The following TRPC7 variants were observed in gnomAD, a reference collection of about 807,000 sequenced individuals.
The protein encoded by TRPC7 is short transient receptor potential channel 7.
Under a neutral mutation model 90.1 loss-of-function variants are expected in TRPC7, and 42 were observed. The observed-to-expected ratio is 0.47, with a 90% CI of 0.36 to 0.60. TRPC7 has a LOEUF of 0.60. TRPC7 is among the 20% of genes least tolerant of loss of function. The probability of loss-of-function intolerance (pLI) is 0.00; values close to 1 mark genes in which losing one functional copy is unlikely to be tolerated. For missense variants in TRPC7, 955 were observed against 1,112.3 expected, an observed-to-expected ratio of 0.86 and a Z score of 2.01; for synonymous variants, 451 against 436.3, an observed-to-expected ratio of 1.03 and a Z score of -0.42.
chr5:136,352,893 A>G (rs1175208248), intron 2 of TRPC7, among the ~76,000 whole-genome samples: 1 of 152,232 alleles, frequency 6.6e-6, no homozygotes, highest in East Asian at 1.9e-4. Flanking sequence ...GTTTCACTAT[A>G]TCCATCAAAC....
intron 3 of TRPC7, among the ~76,000 whole-genome samples, chr5:136,301,658 G>A (rs187873447): frequency 1.3e-3 from 192 of 152,076 alleles, no homozygotes; most frequent in Non-Finnish European, 1.5e-3. Flanking sequence ...ACCCCTGCCC[G>A]CAAAACATTG....
At chr5:136,322,826 GT>G (rs1343372222) in intron 2 of TRPC7, among the ~76,000 whole-genome samples, 16 of 152,236 alleles carry the variant, frequency 1.1e-4, no homozygotes, top group Admixed American at 7.9e-4. Context: ...TTAAAACATT[GT>G]TTTTAAGTTG....
chr5:136,297,113 C>G (rs1266598269), intron 3 of TRPC7, among the ~76,000 whole-genome samples: 3 of 152,206 alleles, frequency 2.0e-5, no homozygotes, highest in Non-Finnish European at 4.4e-5. Context: ...TCTGATCCCC[C>G]TTTCATGGCC....
Position 136,356,965 on chromosome 5 carries a change from C to G in TRPC7, c.423G>C (p.Pro141=). 6.2e-7 allele frequency: 1 copy of G among 1,612,276 alleles called. No individual in the cohort carries two copies. Among genetic ancestry groups the G allele is most frequent in the Non-Finnish European group, 8.5e-7 (1 of 1,179,518 alleles). Residue 141 remains proline, a synonymous_variant, in exon 2 of 12, where the codon CCG becomes CCC. Transcript: ENST00000513104. ...CGTCGTCGCGCAGCTCCTGTTCCAG[C>G]GGGCTGAGCGTCAGGCGCTGGCCCT... ...FAQGQRLTLS[P]LEQELRDDDF... is the part of the protein sequence containing the mutation.
chr5:136,231,429 A>T lies in TRPC7; in HGVS notation c.1965T>A (p.Val655=). The T allele has an allele frequency of 1.2e-6, 2 of 1,613,034 alleles. No homozygotes were observed. The highest frequency in any genetic ancestry group is 1.7e-6 in the Non-Finnish European group (2 of 1,179,350). Reference sequence around the variant, plus strand: ...ACACTACCACCATGGTGACGTTATAAACGCCGTAGAGAACGTAGCCAATGT... The same window carrying T: ...ACACTACCACCATGGTGACGTTATATACGCCGTAGAGAACGTAGCCAATGT... The part of the protein sequence containing the change: ...IENIGYVLYG[V]YNVTMVVVLL... Residue 655 remains valine (V), a synonymous_variant, in exon 8 of 12, where the codon GTT becomes GTA. Coordinates refer to ENST00000513104, the MANE Select transcript of TRPC7 (RefSeq NM_020389.3).
intron 2 of TRPC7, among the ~76,000 whole-genome samples, chr5:136,350,000 A>G (rs1561729487): frequency 6.6e-6 from 1 of 152,218 alleles, no homozygotes; most frequent in Admixed American, 6.5e-5. Flanking sequence ...AGTGTTCAGT[A>G]TAGTAACATG....
intron 3 of TRPC7, among the ~76,000 whole-genome samples, chr5:136,290,570 G>A (rs943825952): frequency 2.0e-5 from 3 of 152,160 alleles, no homozygotes; most frequent in Non-Finnish European, 2.9e-5. Context: ...ATGAAATGAA[G>A]CATGAAGAGA....
chr5:136,277,237 GA>G (rs1383921840), intron 3 of TRPC7, among the ~76,000 whole-genome samples: 1 of 152,222 alleles, frequency 6.6e-6, no homozygotes, highest in Admixed American at 6.5e-5. Flanking sequence ...TGCCTCAGAG[GA>G]AGACAGTGGT....
chr5:136,337,718 T>C (rs1404015528), intron 2 of TRPC7, among the ~76,000 whole-genome samples: 1 of 151,402 alleles, frequency 6.6e-6, no homozygotes, highest in African/African-American at 2.4e-5. Flanking sequence ...ATTTCCAATG[T>C]GCTATGAGAA....
chr5:136,339,932 C>G (rs1187235964), intron 2 of TRPC7, among the ~76,000 whole-genome samples: 1 of 151,398 alleles, frequency 6.6e-6, no homozygotes, highest in African/African-American at 2.4e-5. Flanking sequence ...AAAAATAAAG[C>G]CATAGAAATA....
chr5:136,229,832 T>C (rs1364443951), intron 8 of TRPC7, among the ~76,000 whole-genome samples: 1 of 152,190 alleles, frequency 6.6e-6, no homozygotes, highest in Non-Finnish European at 1.5e-5. Flanking sequence ...CACCAGGAAA[T>C]GTGAAAGTCC....
At chr5:136,304,920 G>C (rs561286518) in intron 3 of TRPC7, among the ~76,000 whole-genome samples, 2 of 152,192 alleles carry the variant, frequency 1.3e-5, no homozygotes, top group Non-Finnish European at 2.9e-5. Context: ...CAAACAACTT[G>C]ACCTTACTGT....
chr5:136,293,997 A>G lies in TRPC7; in HGVS notation c.964-19160T>C, dbSNP rs538417326. ...TCAGAAATAATGCTGCATATCTACA[A>G]CTATCTGATCTTTGACAAACCTGAG... On this transcript the variant is annotated intron_variant, in intron 3 of 11. Transcript: ENST00000513104. Among the ~76,000 whole-genome samples, 3 of 152,282 alleles carry G rather than the reference A, an allele frequency of 2.0e-5. No individual in the cohort carries two copies. In the East Asian group the frequency reaches 5.8e-4, roughly 29 times the overall value.
At chr5:136,289,413 A>T (rs1412295476) in intron 3 of TRPC7, among the ~76,000 whole-genome samples, 2 of 152,198 alleles carry the variant, frequency 1.3e-5, no homozygotes, top group African/African-American at 4.8e-5. Flanking sequence ...GGGGTGACAG[A>T]TGGCACCTGG....
In TRPC7 at chr5:136,315,741, A is replaced by G; in HGVS notation, c.819T>C (p.Phe273=). The part of the protein sequence containing the change: ...YRKLSMQCKD[F]VVGVLDLCRD... Reference sequence around the variant, plus strand: ...GGCACAGGTCCAGCACGCCCACTACAAAATCCTTGCATTGCATAGATAACT... The same window carrying G: ...GGCACAGGTCCAGCACGCCCACTACGAAATCCTTGCATTGCATAGATAACT... Residue 273 remains phenylalanine (F), a synonymous_variant, in exon 3 of 12, where the codon TTT becomes TTC. Coordinates refer to ENST00000513104, the MANE Select transcript of TRPC7 (RefSeq NM_020389.3). 2 of 1,614,026 alleles carry G rather than the reference A, an allele frequency of 1.2e-6. No individual in the cohort carries two copies. Among genetic ancestry groups the G allele is most frequent in the Non-Finnish European group, 1.7e-6 (2 of 1,179,948 alleles).
chr5:136,302,960 C>T (rs1471133659), intron 3 of TRPC7, among the ~76,000 whole-genome samples: 1 of 151,964 alleles, frequency 6.6e-6, no homozygotes, highest in Non-Finnish European at 1.5e-5. Flanking sequence ...CCTATCTGAC[C>T]TCTCCCCTCC....
chr5:136,225,292 G>A lies in TRPC7; in HGVS notation c.2325C>T (p.Ser775=). 1 of 1,613,166 alleles carries A rather than the reference G, an allele frequency of 6.2e-7. No individual in the cohort carries two copies. The highest frequency in any genetic ancestry group is 8.5e-7 in the Non-Finnish European group (1 of 1,179,668). ...SENLTANNTL[S]KPTRYQKIMK... is the part of the protein sequence containing the mutation. ...TGGTTACCTGGTATCTGGTGGGCTT[G>A]CTCAAAGTGTTATTTGCTGTCAGAT... is the stretch of plus-strand genomic sequence containing the variant. The change falls in exon 10 of 12, where the codon AGC becomes AGT. Residue 775 remains serine (S), a synonymous_variant. Transcript: ENST00000513104.
intron 2 of TRPC7, among the ~76,000 whole-genome samples, chr5:136,344,983 G>T (rs532231067): frequency 6.6e-6 from 1 of 152,226 alleles, no homozygotes; most frequent in South Asian, 2.1e-4. Flanking sequence ...GAGACTACAG[G>T]GTTTTGATGG....
intron 3 of TRPC7, among the ~76,000 whole-genome samples, chr5:136,290,501 C>T (rs932699323): frequency 2.0e-5 from 3 of 152,142 alleles, no homozygotes; most frequent in Non-Finnish European, 4.4e-5. Flanking sequence ...AATGCGCAAG[C>T]CTCAGTAACT....
Sources: allele counts gnomAD v4.1 joint callset (sites outside exome capture counted in the v4.1 genomes callset), GRCh38; gene constraint gnomAD v4.1.1; transcripts MANE v1.5; gene names NCBI Gene and HGNC (gene_info 2026-07-23, HGNC 2026-07-21).